EIPR1: variants seen among roughly 807,000 people sequenced by gnomAD.
EIPR1 encodes the protein EARP and GARP complex-interacting protein 1.
In EIPR1, 25 loss-of-function variants were observed where a neutral mutation model predicts 48.1. The ratio of observed to expected loss-of-function variants is 0.52; its 90% CI spans 0.38 to 0.73. The LOEUF (loss-of-function observed/expected upper bound fraction) is 0.73, where lower values mean the gene tolerates loss of function less well. Among genes scored for constraint, EIPR1 ranks in the 30% least tolerant of loss-of-function variants. The pLI is 0.00. For missense variants in EIPR1, 415 were observed against 506.2 expected (o/e 0.82, Z 1.73); for synonymous variants, 204 against 201.9 (o/e 1.01, Z -0.09).
intron 4 of EIPR1, among the ~76,000 whole-genome samples, chr2:3,240,833 ATC>A (rs2103186275): frequency 6.7e-6 from 1 of 148,550 alleles, no homozygotes; most frequent in Admixed American, 6.7e-5. Flanking sequence ...AAGCCAGCAG[ATC>A]CTTCCTAAAG....
chr2:3,288,268 C>T (rs1027883256), intron 3 of EIPR1, among the ~76,000 whole-genome samples: 1 of 152,328 alleles, frequency 6.6e-6, no homozygotes, highest in Non-Finnish European at 1.5e-5. Flanking sequence ...TCTTCCAAAA[C>T]GCAGGCCACC....
At chr2:3,257,100 C>A (rs551019294) in intron 4 of EIPR1, among the ~76,000 whole-genome samples, 199 bp downstream of exon 4, 1 of 152,176 alleles carries the variant, frequency 6.6e-6, no homozygotes, top group Non-Finnish European at 1.5e-5. Flanking sequence ...GATGCAGGCG[C>A]GCTGGCTACA....
chr2:3,209,260 G>C (rs1478480960), intron 5 of EIPR1, among the ~76,000 whole-genome samples: 1 of 152,130 alleles, frequency 6.6e-6, no homozygotes, highest in Non-Finnish European at 1.5e-5. Context: ...GAAGAAGCTG[G>C]AAGCCAGGAA....
chr2:3,306,019 GC>G (rs1668932826), intron 3 of EIPR1, among the ~76,000 whole-genome samples: 1 of 152,160 alleles, frequency 6.6e-6, no homozygotes, highest in Admixed American at 6.5e-5. Context: ...TTGGGTCTGA[GC>G]CCACTACAAT....
chr2:3,235,945 C>A (rs1454852298), intron 4 of EIPR1, among the ~76,000 whole-genome samples: 1 of 152,124 alleles, frequency 6.6e-6, no homozygotes, highest in Non-Finnish European at 1.5e-5. Flanking sequence ...GTGAGACCCT[C>A]GGAGCAGGAC....
intron 5 of EIPR1, among the ~76,000 whole-genome samples, chr2:3,211,285 C>CTCTT (rs55956714): frequency 0.92 from 139,619 of 151,786 alleles, 64,476 homozygotes; most frequent in East Asian, 0.98. Flanking sequence ...CGAAACAAGC[C>CTCTT]TCTTTCCTCT....
intron 1 of EIPR1, among the ~76,000 whole-genome samples, chr2:3,376,426 C>T (rs1659886562): frequency 6.6e-6 from 1 of 152,166 alleles, no homozygotes; most frequent in South Asian, 2.1e-4. Context: ...GGTGCGGTGG[C>T]TCACGCCTGT....
At chr2:3,304,855 T>TCCACTCCCGCCCAGTTCAGCCCC (rs1668875010) in intron 3 of EIPR1, among the ~76,000 whole-genome samples, 1 of 146,760 alleles carries the variant, frequency 6.8e-6, no homozygotes, top group Non-Finnish European at 1.5e-5. Flanking sequence ...AGTTCAGCCC[T>TCCACTCCCGCCCAGTTCAGCCCC]CCACTGCCAT....
intron 4 of EIPR1, among the ~76,000 whole-genome samples, chr2:3,225,860 T>C (rs1666048508): frequency 6.6e-6 from 1 of 152,194 alleles, no homozygotes; most frequent in Admixed American, 6.5e-5. Context: ...AAGTTTGACT[T>C]TTTCAGACTC....
At chr2:3,190,323 C>A (rs1304494854) in intron 8 of EIPR1, among the ~76,000 whole-genome samples, 1 of 152,230 alleles carries the variant, frequency 6.6e-6, no homozygotes, top group African/African-American at 2.4e-5. Context: ...GTACCGCATT[C>A]TAACTGCTTT....
chr2:3,373,146 T>C (rs1471134573), intron 1 of EIPR1, among the ~76,000 whole-genome samples: 1 of 151,350 alleles, frequency 6.6e-6, no homozygotes, highest in South Asian at 2.1e-4. Flanking sequence ...ATTATCTCAA[T>C]AGATGCAGAA....
At chr2:3,337,977 T>A in intron 3 of EIPR1, 40 bp downstream of exon 3, 2 of 1,563,684 alleles carry the variant, frequency 1.3e-6, no homozygotes, top group Non-Finnish European at 1.7e-6. Flanking sequence ...TACCTCCAGT[T>A]ACCTCCAGTT....
At chr2:3,285,625 AAG>A (rs1668159622) in intron 3 of EIPR1, among the ~76,000 whole-genome samples, 1 of 152,224 alleles carries the variant, frequency 6.6e-6, no homozygotes, top group African/African-American at 2.4e-5. Flanking sequence ...GATGCTGCGC[AAG>A]AGTTACTAAC....
chr2:3,196,651 A>G (rs980073214), intron 6 of EIPR1, among the ~76,000 whole-genome samples: 1 of 152,202 alleles, frequency 6.6e-6, no homozygotes, highest in African/African-American at 2.4e-5. Flanking sequence ...AGATATCAAT[A>G]TGGAACATTA....
intron 2 of EIPR1, among the ~76,000 whole-genome samples, chr2:3,340,260 A>C (rs1306797770): frequency 6.6e-6 from 1 of 152,262 alleles, no homozygotes; most frequent in Admixed American, 6.5e-5. Context: ...GCCCAGAGCC[A>C]TGTGAGCTGA....
At chr2:3,253,219 GT>G (rs1173729896) in intron 4 of EIPR1, among the ~76,000 whole-genome samples, 1 of 152,144 alleles carries the variant, frequency 6.6e-6, no homozygotes, top group African/African-American at 2.4e-5. Flanking sequence ...ACCAGAAAAT[GT>G]TTAAATTTAC....
At chr2:3,334,878 C>T (rs1439036773) in intron 3 of EIPR1, among the ~76,000 whole-genome samples, 1 of 152,248 alleles carries the variant, frequency 6.6e-6, no homozygotes. Flanking sequence ...GAGTCAGTCT[C>T]TGGAAGCCAC....
intron 5 of EIPR1, among the ~76,000 whole-genome samples, chr2:3,205,391 C>T (rs748721): frequency 0.91 from 138,907 of 152,268 alleles, 63,706 homozygotes; most frequent in East Asian, 0.98. Flanking sequence ...GCACTGGAAC[C>T]GTGGGAGTCT....
chr2:3,370,502 C>A (rs905096877), intron 1 of EIPR1, among the ~76,000 whole-genome samples: 64 of 146,994 alleles, frequency 4.4e-4, no homozygotes, highest in South Asian at 2.2e-4. Context: ...AAAATTTAGA[C>A]GAATGTATAA....
Sources: gnomAD v4.1 joint callset for allele counts (sites outside exome capture counted in the v4.1 genomes callset) on GRCh38, gnomAD v4.1.1 for gene constraint, MANE v1.5 for transcripts, NCBI Gene and HGNC (gene_info 2026-07-23, HGNC 2026-07-21) for gene names.